The following IBTK variants were observed in gnomAD, a reference collection of about 807,000 sequenced individuals.
IBTK encodes the protein inhibitor of Bruton tyrosine kinase, also known as BTK-binding protein.
IBTK carries 83 observed loss-of-function variants against 154.9 expected under a neutral mutation model. The ratio of observed to expected loss-of-function variants is 0.54; its 90% CI spans 0.45 to 0.64. The LOEUF (loss-of-function observed/expected upper bound fraction) is 0.64, where lower values mean the gene tolerates loss of function less well. IBTK is among the 30% of genes least tolerant of loss of function. IBTK has a pLI of 0.00. For missense variants in IBTK, 1,332 were observed against 1,584.6 expected, an observed-to-expected ratio of 0.84 and a Z score of 2.71; for synonymous variants, 515 against 536.1, an observed-to-expected ratio of 0.96 and a Z score of 0.54.
chr6:82,183,599 A>G (rs1768397019), intron 25 of IBTK, among the ~76,000 whole-genome samples: 1 of 152,220 alleles, frequency 6.6e-6, no homozygotes, highest in African/African-American at 2.4e-5. Flanking sequence ...TAGGTTTTTT[A>G]ACTGCAAAAA....
intron 8 of IBTK, among the ~76,000 whole-genome samples, chr6:82,220,937 TACACACACACACAC>T (rs57358110): frequency 1.7e-4 from 22 of 130,160 alleles, no homozygotes; most frequent in South Asian, 5.8e-4. Flanking sequence ...TGACTTTACC[TACACACACACACAC>T]ACACACACAC....
intron 22 of IBTK, among the ~76,000 whole-genome samples, chr6:82,196,071 T>C (rs1562081290): frequency 6.6e-6 from 1 of 152,192 alleles, no homozygotes; most frequent in Non-Finnish European, 1.5e-5. Flanking sequence ...TATATTTTAG[T>C]TGCACAAAGA....
intron 4 of IBTK, among the ~76,000 whole-genome samples, chr6:82,230,994 C>T (rs1770481606): frequency 6.6e-6 from 1 of 152,162 alleles, no homozygotes; most frequent in Admixed American, 6.5e-5. Flanking sequence ...ACTTCCAAAA[C>T]ATTGCTTATC....
Position 82,223,590 on chromosome 6 carries a change from C to T in IBTK, c.974G>A (p.Cys325Tyr), listed in dbSNP as rs755979127. The change falls in exon 8 of 29, where the codon TGT becomes TAT. Residue 325 changes from cysteine to tyrosine, a missense_variant. Transcript: ENST00000306270. ...AGAGACCTGACGAGGAGCAGTTACA[C>T]ACTTTTCTCCATTGGGATCTAGCAA... is the stretch of plus-strand genomic sequence containing the variant. ...GCLLDPNGEK[C>Y]VTAPRQVSAL... 4.3e-6 allele frequency: 7 copies of T among 1,612,974 alleles called. No individual in the cohort carries two copies. The Admixed American group carries it at 1.0e-4, about 23-fold the overall frequency.
At chr6:82,181,350 T>G (rs1768311495) in intron 26 of IBTK, among the ~76,000 whole-genome samples, 1 of 152,208 alleles carries the variant, frequency 6.6e-6, no homozygotes, top group Non-Finnish European at 1.5e-5. Context: ...TACTATTCAG[T>G]AGTGAAACAG....
In IBTK at chr6:82,172,772, C is replaced by T. The variant is rs183782417; in HGVS notation, c.3798-260G>A. ...TACGATGAGCGAACCTGGAAGCTTT[C>T]GCAGAGATTACAGAATGATGAGGTG... On this transcript the variant is annotated intron_variant, in intron 27 of 28. Coordinates refer to ENST00000306270, the MANE Select transcript of IBTK (RefSeq NM_015525.4). The T allele has an allele frequency of 2.5e-4, 87 of 346,130 alleles. 1 individual carries two copies. Among genetic ancestry groups the T allele is most frequent in the African/African-American group, 1.6e-3 (74 of 47,392 alleles). The allele number at this position is 346,130 out of a possible 1,614,324, so 21.4% of individuals were successfully genotyped here.
Position 82,200,598 on chromosome 6 carries a change from T to C in IBTK, c.2901A>G (p.Glu967=), listed in dbSNP as rs1395513151. Residue 967 remains glutamate (E), a synonymous_variant, in exon 20 of 29, where the codon GAA becomes GAG. Coordinates refer to ENST00000306270, the MANE Select transcript of IBTK (RefSeq NM_015525.4). The part of the protein sequence containing the change: ...DIFLKEEINM[E]QNHSETMFKK... Reference sequence around the variant, plus strand: ...AGAAAACAGCTTACGAATGATTTTGTTCCATATTTATTTCTTCTTTCAAGA... The same window carrying C: ...AGAAAACAGCTTACGAATGATTTTGCTCCATATTTATTTCTTCTTTCAAGA... 7 of 1,564,598 alleles carry C rather than the reference T, an allele frequency of 4.5e-6. No individual in the cohort carries two copies. The highest frequency in any genetic ancestry group is 1.4e-5 in the African/African-American group (1 of 72,076).
intron 6 of IBTK, 99 bp from the exon 7 acceptor site, chr6:82,224,284 T>C: frequency 1.2e-6 from 1 of 825,438 alleles, no homozygotes; most frequent in Non-Finnish European, 2.0e-6. Flanking sequence ...GTATACTTGC[T>C]GTTAGTGGTC....
At chr6:82,183,284 C>T (rs1203560535) in intron 25 of IBTK, among the ~76,000 whole-genome samples, 1 of 152,048 alleles carries the variant, frequency 6.6e-6, no homozygotes, top group Admixed American at 6.6e-5. Context: ...GTGGCACACA[C>T]CTGTAATCCC....
chr6:82,180,190 G>A (rs1219834649), intron 26 of IBTK, among the ~76,000 whole-genome samples: 1 of 152,034 alleles, frequency 6.6e-6, no homozygotes, highest in African/African-American at 2.4e-5. Flanking sequence ...TTATAAATAT[G>A]CAAAAAGGCT....
chr6:82,193,651 C>T (rs1282356804), intron 23 of IBTK, among the ~76,000 whole-genome samples: 2 of 152,138 alleles, frequency 1.3e-5, no homozygotes, highest in African/African-American at 4.8e-5. Flanking sequence ...AAGAATACTA[C>T]ATTCTAATTA....
chr6:82,196,392 G>GTCAACTGATC lies in IBTK; in HGVS notation c.3079_3080insGATCAGTTGA (p.Thr1027ArgfsTer8), dbSNP rs763020878. On this transcript the variant is annotated frameshift_variant, in exon 22 of 29. Coordinates refer to ENST00000306270, the MANE Select transcript of IBTK (RefSeq NM_015525.4). LOFTEE classifies it high-confidence loss of function. Reference sequence around the variant, plus strand: ...TGCATAGCTTCCTTCAGAGTCTGATGTCAACAGTTCTGGAAGAGATTCCAC... The same window carrying GTCAACTGATC: ...TGCATAGCTTCCTTCAGAGTCTGATGTCAACTGATCTCAACAGTTCTGGAAGAGATTCCAC... The GTCAACTGATC allele has an allele frequency of 6.2e-7, 1 of 1,612,360 alleles. No individual in the cohort carries two copies. Among genetic ancestry groups the GTCAACTGATC allele is most frequent in the Non-Finnish European group, 8.5e-7 (1 of 1,178,812 alleles).
chr6:82,242,430 C>T (rs1770986796), intron 1 of IBTK, among the ~76,000 whole-genome samples: 1 of 151,938 alleles, frequency 6.6e-6, no homozygotes, highest in South Asian at 2.1e-4. Context: ...CCTATACCCC[C>T]TAAAACTATA....
intron 4 of IBTK, among the ~76,000 whole-genome samples, chr6:82,228,838 G>T (rs372159019): frequency 3.3e-5 from 5 of 151,892 alleles, no homozygotes; most frequent in East Asian, 3.9e-4. Context: ...AGCCAGGATG[G>T]TCTCGATCTC....
At chr6:82,232,855 A>G (rs752318573) in intron 3 of IBTK, among the ~76,000 whole-genome samples, 1 of 152,108 alleles carries the variant, frequency 6.6e-6, no homozygotes, top group Non-Finnish European at 1.5e-5. Flanking sequence ...ACCTCTATAA[A>G]AAAAGTATAA....
intron 13 of IBTK, among the ~76,000 whole-genome samples, chr6:82,212,268 G>C (rs888130902): frequency 6.6e-6 from 1 of 152,086 alleles, no homozygotes; most frequent in Non-Finnish European, 1.5e-5. Flanking sequence ...TTACAGGCGT[G>C]AGCCACCACA....
At chr6:82,174,492 C>T (rs1582175485) in intron 26 of IBTK, among the ~76,000 whole-genome samples, 1 of 152,062 alleles carries the variant, frequency 6.6e-6, no homozygotes, top group African/African-American at 2.4e-5. Flanking sequence ...TGTACAAATA[C>T]ATGGACCTAA....
intron 26 of IBTK, among the ~76,000 whole-genome samples, chr6:82,180,238 T>C (rs1768270615): frequency 6.6e-6 from 1 of 152,088 alleles, no homozygotes; most frequent in Non-Finnish European, 1.5e-5. Context: ...TTTAAGGTTT[T>C]TTTATTTTGT....
intron 9 of IBTK, among the ~76,000 whole-genome samples, chr6:82,218,447 G>A (rs1319089899): frequency 6.6e-6 from 1 of 152,098 alleles, no homozygotes; most frequent in Non-Finnish European, 1.5e-5. Context: ...CAATGCTAAA[G>A]AAAAACAAAA....
Sources: allele counts gnomAD v4.1 joint callset (sites outside exome capture counted in the v4.1 genomes callset), GRCh38; gene constraint gnomAD v4.1.1; transcripts MANE v1.5; gene names NCBI Gene and HGNC (gene_info 2026-07-23, HGNC 2026-07-21).